Variants in HPSE2 observed in about 807,000 individuals in gnomAD.
HPSE2 encodes heparanase 2 (inactive), also known as inactive heparanase-2.
A neutral mutation model predicts 60.5 loss-of-function variants in HPSE2; 38 were observed. The observed-to-expected ratio is 0.63, with a 90% CI of 0.48 to 0.82. The LOEUF (loss-of-function observed/expected upper bound fraction) is 0.82. Among genes scored for constraint, HPSE2 ranks in the 40% least tolerant of loss-of-function variants. HPSE2 has a pLI of 0.00. For missense variants in HPSE2, 713 were observed against 740.4 expected, an observed-to-expected ratio of 0.96 and a Z score of 0.43; for synonymous variants, 295 against 293.2, an observed-to-expected ratio of 1.01 and a Z score of -0.06.
At chr10:98,587,046 C>T (rs1944959452) in intron 9 of HPSE2, among the ~76,000 whole-genome samples, 1 of 152,134 alleles carries the variant, frequency 6.6e-6, no homozygotes, top group South Asian at 2.1e-4. Context: ...TATAAGATGG[C>T]TAGCATATGA....
intron 4 of HPSE2, among the ~76,000 whole-genome samples, chr10:98,722,334 TG>T (rs1948948335): frequency 6.6e-6 from 1 of 151,314 alleles, no homozygotes; most frequent in African/African-American, 2.4e-5. Context: ...ATTGGAGAGA[TG>T]TTGCTAGGCT....
intron 6 of HPSE2, among the ~76,000 whole-genome samples, chr10:98,681,375 C>T (rs939141865): frequency 2.6e-5 from 4 of 152,114 alleles, no homozygotes; most frequent in Admixed American, 2.0e-4. Flanking sequence ...AATGCATCAA[C>T]ATTTGGAACA....
At chr10:98,721,558 AAAATAAATAAAT>A in intron 5 of HPSE2, 87 bp downstream of exon 5, 2 of 1,186,380 alleles carry the variant, frequency 1.7e-6, no homozygotes, top group South Asian at 1.4e-5. Context: ...TCTTAAGACC[AAAATAAATAAAT>A]AAATAAATAA....
chr10:98,675,202 C>T (rs1173993553), intron 6 of HPSE2, among the ~76,000 whole-genome samples: 1 of 152,098 alleles, frequency 6.6e-6, no homozygotes, highest in Middle Eastern at 3.2e-3. Flanking sequence ...GAACATACTT[C>T]CCTAAGGTGT....
chr10:98,517,401 A>C (rs1359867706), intron 9 of HPSE2, among the ~76,000 whole-genome samples: 5 of 152,164 alleles, frequency 3.3e-5, no homozygotes, highest in Non-Finnish European at 7.4e-5. Flanking sequence ...CCGCTGATCT[A>C]GAGTGTGGCA....
intron 9 of HPSE2, among the ~76,000 whole-genome samples, chr10:98,509,514 T>C (rs939735441): frequency 6.6e-6 from 1 of 151,952 alleles, no homozygotes; most frequent in African/African-American, 2.4e-5. Context: ...TTTGCTTTCT[T>C]TTTTTGAGAC....
chr10:98,543,862 TC>T (rs1327953991), intron 9 of HPSE2, among the ~76,000 whole-genome samples: 1 of 151,906 alleles, frequency 6.6e-6, no homozygotes, highest in Non-Finnish European at 1.5e-5. Flanking sequence ...AGACTTAGAC[TC>T]CCACACAATA....
chr10:98,641,929 T>C lies in HPSE2; in HGVS notation c.1016A>G (p.Asp339Gly), dbSNP rs772727462. Residue 339 changes from aspartate (D) to glycine (G), a missense_variant, in exon 7 of 12, where the codon GAT (aspartate) becomes GGT (glycine). Physicochemically the swap from Asp to Gly is moderately conservative, Grantham distance 94 (BLOSUM62 -1). Coordinates refer to ENST00000370552, the MANE Select transcript of HPSE2 (RefSeq NM_021828.5). ...GTCCATCACCTTGACCACCCGGCCA[T>C]CAATGTAGCAACTGGAATAAAAATA... ...DAVTWQHCYI[D>G]GRVVKVMDFL... is the part of the protein sequence containing the mutation. 1 of 1,612,910 alleles carries C rather than the reference T, an allele frequency of 6.2e-7. No homozygotes were observed. The highest frequency in any genetic ancestry group is 1.3e-5 in the African/African-American group (1 of 74,860).
chr10:98,776,126 G>A (rs578006450), intron 3 of HPSE2, among the ~76,000 whole-genome samples: 5 of 151,866 alleles, frequency 3.3e-5, no homozygotes, highest in African/African-American at 7.3e-5. Context: ...ATTTCTTCCC[G>A]GGGAGCTTTC....
chr10:99,022,817 C>T (rs1440151136), intron 3 of HPSE2, among the ~76,000 whole-genome samples: 1 of 152,062 alleles, frequency 6.6e-6, no homozygotes, highest in Non-Finnish European at 1.5e-5. Flanking sequence ...ACTGAAGAGC[C>T]TTTGGGCCCT....
At chr10:98,981,683 A>G (rs1176534658) in intron 3 of HPSE2, among the ~76,000 whole-genome samples, 4 of 151,994 alleles carry the variant, frequency 2.6e-5, no homozygotes, top group Non-Finnish European at 5.9e-5. Context: ...CCAATTGATC[A>G]CCTATCTGGT....
At chr10:98,469,651 T>C (rs771212899) in intron 11 of HPSE2, among the ~76,000 whole-genome samples, 1 of 152,206 alleles carries the variant, frequency 6.6e-6, no homozygotes, top group Non-Finnish European at 1.5e-5. Context: ...CCTTCTGCAG[T>C]CTGGGCTTAT....
At chr10:98,533,241 A>G (rs545707545) in intron 9 of HPSE2, among the ~76,000 whole-genome samples, 1 of 152,346 alleles carries the variant, frequency 6.6e-6, no homozygotes, top group African/African-American at 2.4e-5. Context: ...AAGCAGCTGT[A>G]ATGTCAGGAA....
chr10:98,672,498 C>T lies in HPSE2; in HGVS notation c.1004+21402G>A, dbSNP rs530793940. ...CTATGAGTTTCAAAGATGATGATGG[C>T]GGTGGTGATGGTGGGCACAGACATG... is the stretch of plus-strand genomic sequence containing the variant. On this transcript the variant is annotated intron_variant, in intron 6 of 11. Transcript: ENST00000370552. Among the ~76,000 whole-genome samples the T allele has an allele frequency of 5.3e-5, 8 of 152,252 alleles. No homozygotes were observed. The East Asian group carries it at 9.6e-4, about 18-fold the overall frequency.
intron 3 of HPSE2, among the ~76,000 whole-genome samples, chr10:99,018,193 C>T (rs1201339973): frequency 6.6e-6 from 1 of 152,158 alleles, no homozygotes; most frequent in Non-Finnish European, 1.5e-5. Flanking sequence ...ATCACTTCCC[C>T]ACTTTGGACT....
chr10:98,828,977 T>TA (rs35007964), intron 3 of HPSE2, among the ~76,000 whole-genome samples: 2 of 151,718 alleles, frequency 1.3e-5, no homozygotes, highest in Admixed American at 6.6e-5. Context: ...ATGAATGAAT[T>TA]AAAAAAAAAT....
At chr10:99,302,420 G>A in the HPSE2 span, among the ~76,000 whole-genome samples, 1 of 149,584 alleles carries the variant, frequency 6.7e-6, no homozygotes, top group Non-Finnish European at 1.5e-5. Flanking sequence ...TACTGGGGAC[G>A]CCAAAAGGGA....
At chr10:98,558,248 G>C (rs2133867509) in intron 9 of HPSE2, among the ~76,000 whole-genome samples, 1 of 152,210 alleles carries the variant, frequency 6.6e-6, no homozygotes, top group South Asian at 2.1e-4. Context: ...CTATGATCCT[G>C]CTACTCCATC....
At chr10:98,743,213 C>T (rs1229240924) in intron 4 of HPSE2, among the ~76,000 whole-genome samples, 2 of 152,022 alleles carry the variant, frequency 1.3e-5, no homozygotes, top group Middle Eastern at 3.4e-3. Flanking sequence ...CCTCGTGATC[C>T]GCCTACCTAG....
Sources: gnomAD v4.1 joint callset for allele counts (sites outside exome capture counted in the v4.1 genomes callset) on GRCh38, gnomAD v4.1.1 for gene constraint, MANE v1.5 for transcripts, NCBI Gene and HGNC (gene_info 2026-07-23, HGNC 2026-07-21) for gene names.